HIVEP3: variants seen among roughly 807,000 people sequenced by gnomAD.
HIVEP3 encodes transcription factor HIVEP3.
Under a neutral mutation model 152.8 loss-of-function variants are expected in HIVEP3, and 49 were observed. The ratio of observed to expected loss-of-function variants is 0.32; its 90% CI spans 0.26 to 0.41. The LOEUF is 0.41. Among genes scored for constraint, HIVEP3 ranks in the 10% least tolerant of loss-of-function variants. The pLI is 1.00. For missense variants in HIVEP3, 2,790 were observed against 3,103.3 expected (o/e 0.90, Z 2.40); for synonymous variants, 1,269 against 1,289.0 (o/e 0.98, Z 0.33).
intron 6 of HIVEP3, among the ~76,000 whole-genome samples, chr1:41,520,555 A>G (rs1417129226): frequency 6.6e-6 from 1 of 152,106 alleles, no homozygotes; most frequent in African/African-American, 2.4e-5. Flanking sequence ...GATCAGAGAT[A>G]CCCACTGTCC....
At chr1:41,528,418 G>T (rs1558031556) in intron 5 of HIVEP3, among the ~76,000 whole-genome samples, 1 of 55,174 alleles carries the variant, frequency 1.8e-5, no homozygotes, top group Non-Finnish European at 3.5e-5. Flanking sequence ...ACACACCCTT[G>T]CCCTCACACC....
At chr1:41,642,636 C>T (rs1247310932) in intron 2 of HIVEP3, among the ~76,000 whole-genome samples, 2 of 152,198 alleles carry the variant, frequency 1.3e-5, no homozygotes, top group Non-Finnish European at 2.9e-5. Context: ...TCTCTGAGGA[C>T]AGGACTGGGA....
chr1:41,711,865 G>T (rs1000204874), intron 1 of HIVEP3, among the ~76,000 whole-genome samples: 3 of 152,168 alleles, frequency 2.0e-5, no homozygotes, highest in African/African-American at 4.8e-5. Flanking sequence ...GCTATTCTGG[G>T]GTTTTAATTG....
intron 1 of HIVEP3, among the ~76,000 whole-genome samples, chr1:41,824,742 AATATATATATATATATATAT>A (rs375409601): frequency 0.13 from 9,639 of 75,122 alleles, 675 homozygotes; most frequent in East Asian, 0.17. Flanking sequence ...TTCCAAGTTA[AATATATATATATATATATAT>A]ATATATATAT....
chr1:41,634,264 C>T (rs981734582), intron 2 of HIVEP3, among the ~76,000 whole-genome samples: 3 of 152,056 alleles, frequency 2.0e-5, no homozygotes, highest in African/African-American at 7.2e-5. Context: ...GAAGTCTAAA[C>T]AAATGTTGAT....
chr1:41,694,473 G>A (rs866740146), intron 2 of HIVEP3, among the ~76,000 whole-genome samples: 2 of 152,172 alleles, frequency 1.3e-5, no homozygotes, highest in African/African-American at 4.8e-5. Flanking sequence ...ATGAACAAGT[G>A]AATGAAAGAC....
intron 1 of HIVEP3, among the ~76,000 whole-genome samples, chr1:41,781,542 C>A (rs1649041658): frequency 6.6e-6 from 1 of 152,206 alleles, no homozygotes; most frequent in Non-Finnish European, 1.5e-5. Context: ...AGGCAACAAT[C>A]TCCCTCTGGC....
rs1237684062 is a variant in HIVEP3 at position 41,678,421 on chromosome 1, A to AGAGCTGC, written c.-721+22494_-721+22495insGCAGCTC. On this transcript the variant is annotated intron_variant, in intron 2 of 8. Transcript: ENST00000372583. ...TCTTTTAGAAGTCCCATTCCCACCA[A>AGAGCTGC]CAAGGAGGAGGCTGTAATTAGCCCA... Among the ~76,000 whole-genome samples, 140 of 150,224 alleles carry AGAGCTGC rather than the reference A, an allele frequency of 9.3e-4. 1 individual carries two copies. Among genetic ancestry groups the AGAGCTGC allele is most frequent in the African/African-American group, 3.4e-3 (134 of 39,604 alleles).
At chr1:41,971,973 A>G (rs1247459327) in intron 1 of HIVEP3, among the ~76,000 whole-genome samples, 1 of 152,214 alleles carries the variant, frequency 6.6e-6, no homozygotes, top group Non-Finnish European at 1.5e-5. Context: ...TTGGAGGCAG[A>G]GAGCAGCCCT....
At chr1:41,716,697 T>G (rs1646599277) in intron 1 of HIVEP3, among the ~76,000 whole-genome samples, 1 of 152,110 alleles carries the variant, frequency 6.6e-6, no homozygotes, top group Non-Finnish European at 1.5e-5. Context: ...GAAAGCAGGT[T>G]GGGGATCCAG....
At chr1:41,732,725 C>T (rs1258598606) in intron 1 of HIVEP3, among the ~76,000 whole-genome samples, 1 of 152,076 alleles carries the variant, frequency 6.6e-6, no homozygotes, top group African/African-American at 2.4e-5. Context: ...CATACAGCAC[C>T]TGGACCGCGA....
At chr1:41,720,975 G>C (rs149338415) in intron 1 of HIVEP3, among the ~76,000 whole-genome samples, 2 of 152,200 alleles carry the variant, frequency 1.3e-5, no homozygotes, top group Non-Finnish European at 2.9e-5. Context: ...CCACTTAGAC[G>C]TAGTGTCTAA....
intron 3 of HIVEP3, among the ~76,000 whole-genome samples, chr1:41,613,080 C>T (rs550522447): frequency 1.3e-5 from 2 of 152,356 alleles, no homozygotes; most frequent in South Asian, 4.1e-4. Flanking sequence ...TGGAGGACAG[C>T]CAGGAGCACT....
At chr1:41,627,228 A>G (rs1375929845) in intron 3 of HIVEP3, among the ~76,000 whole-genome samples, 1 of 152,214 alleles carries the variant, frequency 6.6e-6, no homozygotes, top group Non-Finnish European at 1.5e-5. Context: ...GTGGCTGGCA[A>G]CATTCTAGGG....
intron 1 of HIVEP3, among the ~76,000 whole-genome samples, chr1:41,869,160 G>C (rs904756510): frequency 6.6e-6 from 1 of 152,136 alleles, no homozygotes; most frequent in Non-Finnish European, 1.5e-5. Context: ...GCTTGTTGAG[G>C]ATTTTGGGAC....
At chr1:41,869,811 C>A (rs1046284421) in intron 1 of HIVEP3, among the ~76,000 whole-genome samples, 1 of 152,084 alleles carries the variant, frequency 6.6e-6, no homozygotes, top group Admixed American at 6.5e-5. Flanking sequence ...TCAATTATAA[C>A]CTCAATAAAG....
chr1:41,511,309 C>A lies in HIVEP3; in HGVS notation c.6406-43G>T. The A allele has an allele frequency of 6.7e-7, 1 of 1,494,044 alleles. No homozygotes were observed. Among genetic ancestry groups the A allele is most frequent in the South Asian group, 1.3e-5 (1 of 77,196 alleles). The allele number at this position is 1,494,044 out of a possible 1,614,324, so 92.5% of individuals were successfully genotyped here. On this transcript the variant is annotated intron_variant, in intron 8 of 8. Coordinates refer to ENST00000372583, the MANE Select transcript of HIVEP3 (RefSeq NM_024503.5). The surrounding 1 kb of genome is among the most constrained non-coding windows in gnomAD (Gnocchi z 4.9). ...GACAAGGTAAGGTGAAGGTTACATG[C>A]TGGGCACATGGGGAGCCGAGGCCTG...
At chr1:42,020,253 G>A (rs1570896208) in intron 1 of HIVEP3, among the ~76,000 whole-genome samples, 1 of 151,944 alleles carries the variant, frequency 6.6e-6, no homozygotes, top group African/African-American at 2.4e-5. Context: ...TTCTCTGAAA[G>A]AGTATGTAAG....
intron 1 of HIVEP3, among the ~76,000 whole-genome samples, chr1:41,983,677 A>AGGATG (rs1253897646): frequency 6.6e-6 from 1 of 152,142 alleles, no homozygotes; most frequent in Non-Finnish European, 1.5e-5. Context: ...ACCAGCAAGC[A>AGGATG]GGATGGGATG....
Sources: allele counts gnomAD v4.1 joint callset (sites outside exome capture counted in the v4.1 genomes callset), GRCh38; gene constraint gnomAD v4.1.1; non-coding constraint Gnocchi (gnomAD v3.1); transcripts MANE v1.5; gene names NCBI Gene and HGNC (gene_info 2026-07-23, HGNC 2026-07-21).